Variants in CUBN observed in about 807,000 individuals in gnomAD.
CUBN encodes cubilin.
Under a neutral mutation model 405.3 loss-of-function variants are expected in CUBN, and 282 were observed. The observed-to-expected ratio is 0.70, with a 90% CI of 0.63 to 0.77. CUBN has a LOEUF of 0.77. Among genes scored for constraint, CUBN ranks in the 30% least tolerant of loss-of-function variants. The pLI, the probability that CUBN is intolerant of heterozygous loss-of-function variation, is 0.00. For synonymous variants in CUBN, 1,684 were observed against 1,617.0 expected (o/e 1.04, Z -0.99); for missense variants, 4,514 against 4,475.2 (o/e 1.01, Z -0.25).
chr10:16,945,213 A>G lies in CUBN; in HGVS notation c.5342+2022T>C, dbSNP rs547413195. On this transcript the variant is annotated intron_variant, in intron 36 of 66. Transcript: ENST00000377833. The stretch of plus-strand genomic sequence containing the variant: ...AAACAGGAAAAGACCAAAAAAAAAA[A>G]TCATTTTATTTGGCAATTCTGATAG... Among the ~76,000 whole-genome samples the G allele has an allele frequency of 1.1e-3, 164 of 152,188 alleles. 1 individual carries two copies. The highest frequency in any genetic ancestry group is 3.7e-3 in the African/African-American group (155 of 41,550).
chr10:16,898,999 C>G lies in CUBN; in HGVS notation c.8595G>C (p.Val2865=). The G allele has an allele frequency of 6.2e-7, 1 of 1,607,006 alleles. No homozygotes were observed. Among genetic ancestry groups the G allele is most frequent in the Non-Finnish European group, 8.5e-7 (1 of 1,173,534 alleles). Residue 2865 remains valine (V), a synonymous_variant, in exon 54 of 67, where the codon GTG becomes GTC. Transcript: ENST00000377833. ...TTAAATGAACAAGTGTACTAACCTT[C>G]ACGAAGCTATTCTGACATTGTCCAT... ...SGDGQCQNSF[V]KVWAGTEEVD... is the part of the protein sequence containing the mutation.
chr10:17,082,144 A>T (rs1209944779), intron 17 of CUBN, among the ~76,000 whole-genome samples: 2 of 151,898 alleles, frequency 1.3e-5, no homozygotes, highest in Non-Finnish European at 2.9e-5. Flanking sequence ...CATTTGCATT[A>T]TTTTTTTTAA....
At chr10:16,915,667 G>A (rs973681518) in intron 46 of CUBN, among the ~76,000 whole-genome samples, 154 bp downstream of exon 46, 1 of 152,202 alleles carries the variant, frequency 6.6e-6, no homozygotes. Flanking sequence ...AATTGAGGGA[G>A]AGAATCACCA....
rs771763775 is a variant in CUBN, at chr10:16,990,468, C to T, written c.4216G>A (p.Gly1406Arg). 39 of 1,614,028 alleles carry T rather than the reference C, an allele frequency of 2.4e-5. No homozygotes were observed. The highest frequency in any genetic ancestry group is 1.7e-4 in the African/African-American group (13 of 74,918). The part of the protein sequence containing the change: ...SGATGSFSSP[G>R]FPNRYPPNKE... ...TTTGGTGGATACCTGTTGGGGAACC[C>T]GGGGCTGCTGAAGGAGCCTGTGGCC... The change falls in exon 29 of 67, where the codon GGG (glycine) becomes AGG (arginine). Residue 1406 changes from glycine (G) to arginine (R), a missense_variant. By Grantham distance (125) the Gly-to-Arg change is moderately radical. Around this residue, in one of 5 missense-constraint regions of CUBN, gnomAD observed 1,613 missense variants for 1,542.8 expected, o/e 1.05. Transcript: ENST00000377833.
chr10:16,838,532 G>T (rs1050097338), intron 62 of CUBN, among the ~76,000 whole-genome samples: 2 of 152,174 alleles, frequency 1.3e-5, no homozygotes, highest in African/African-American at 4.8e-5. Flanking sequence ...TAATGATGAT[G>T]CACAAAAATC....
chr10:17,112,762 C>G (rs1225758649), intron 8 of CUBN, among the ~76,000 whole-genome samples: 2 of 151,786 alleles, frequency 1.3e-5, no homozygotes. Flanking sequence ...TGTGGGGTTT[C>G]TTGGCGAGAA....
intron 60 of CUBN, 24 bp downstream of exon 60, chr10:16,851,209 CTG>C (rs775830343): frequency 3.8e-6 from 6 of 1,564,916 alleles, no homozygotes; most frequent in Non-Finnish European, 5.3e-6. Context: ...TGAATAGACT[CTG>C]TTAAAAAAAT....
In CUBN at chr10:17,045,937, T is replaced by C. The variant is rs764466613; in HGVS notation, c.3487A>G (p.Thr1163Ala). ...GFSAYWDGSS[T>A]GCGGNLTTSS... ...AAGACAGCTCTTTGCTATTTACCTG[T>C]TGATGACCCATCCCAGTAAGCTGAG... The change falls in exon 24 of 67, where the codon ACA (threonine) becomes GCA (alanine). Residue 1163 changes from threonine to alanine, a missense_variant. Coordinates refer to ENST00000377833, the MANE Select transcript of CUBN (RefSeq NM_001081.4). 1 of 1,613,948 alleles carries C rather than the reference T, an allele frequency of 6.2e-7. No individual in the cohort carries two copies. The highest frequency in any genetic ancestry group is 8.5e-7 in the Non-Finnish European group (1 of 1,179,934).
intron 48 of CUBN, among the ~76,000 whole-genome samples, chr10:16,909,566 A>G (rs547274144): frequency 3.9e-5 from 6 of 152,332 alleles, no homozygotes; most frequent in African/African-American, 1.2e-4. Context: ...ATCAAAAGGG[A>G]TTAGAACCAA....
chr10:16,999,918 A>C (rs1476504886), intron 28 of CUBN, among the ~76,000 whole-genome samples: 1 of 152,092 alleles, frequency 6.6e-6, no homozygotes, highest in Non-Finnish European at 1.5e-5. Flanking sequence ...AGAGGACTCC[A>C]CCCGGAGAAA....
At chr10:16,943,689 C>A (rs1842714273) in intron 36 of CUBN, among the ~76,000 whole-genome samples, 1 of 152,180 alleles carries the variant, frequency 6.6e-6, no homozygotes, top group Non-Finnish European at 1.5e-5. Flanking sequence ...ATCGGCATCA[C>A]CGGAGAGCTT....
Position 16,853,068 on chromosome 10 carries a change from C to T in CUBN, c.9455-1625G>A, listed in dbSNP as rs559845244. 3.3e-5 allele frequency among the ~76,000 whole-genome samples: 5 copies of T among 152,188 alleles called. No individual in the cohort carries two copies. The East Asian group carries it at 5.8e-4, about 18-fold the overall frequency. On this transcript the variant is annotated intron_variant, in intron 59 of 66. Coordinates refer to ENST00000377833, the MANE Select transcript of CUBN (RefSeq NM_001081.4). ...AAAGAATAATCTCAAGATGATTAAA[C>T]GGTCTACCATAAAAGAATACAAAAA...
chr10:16,933,902 G>A (rs1842427380), intron 39 of CUBN, among the ~76,000 whole-genome samples: 1 of 152,172 alleles, frequency 6.6e-6, no homozygotes, highest in African/African-American at 2.4e-5. Flanking sequence ...AACAGCTGTT[G>A]CTGATTGTTT....
At chr10:16,961,453 C>G (rs1256902344) in intron 31 of CUBN, among the ~76,000 whole-genome samples, 1 of 152,148 alleles carries the variant, frequency 6.6e-6, no homozygotes, top group African/African-American at 2.4e-5. Flanking sequence ...TCAACTTTGT[C>G]ACATGTCAAG....
At chr10:16,868,245 G>T (rs918594264) in intron 59 of CUBN, among the ~76,000 whole-genome samples, 8 of 152,278 alleles carry the variant, frequency 5.3e-5, no homozygotes, top group African/African-American at 1.9e-4. Flanking sequence ...GAGGTGTGTG[G>T]TTTACCGGGA....
chr10:16,942,424 G>A (rs61841449), intron 36 of CUBN, among the ~76,000 whole-genome samples: 9,874 of 152,008 alleles, frequency 0.065, 393 homozygotes, highest in Non-Finnish European at 0.088. Context: ...AAAACAAACC[G>A]AATACACATT....
intron 60 of CUBN, among the ~76,000 whole-genome samples, chr10:16,846,224 T>G (rs1005693255): frequency 6.6e-6 from 1 of 152,234 alleles, no homozygotes; most frequent in Non-Finnish European, 1.5e-5. Flanking sequence ...AAACTTATCT[T>G]GCAGATGGTG....
In CUBN at chr10:16,920,100, A is replaced by C; in HGVS notation, c.6684T>G (p.Ser2228=). 6.2e-7 allele frequency: 1 copy of C among 1,614,076 alleles called. No individual in the cohort carries two copies. The highest frequency in any genetic ancestry group is 8.5e-7 in the Non-Finnish European group (1 of 1,179,978). Residue 2228 remains serine (S), a synonymous_variant, in exon 44 of 67, where the codon TCT becomes TCG. Coordinates refer to ENST00000377833, the MANE Select transcript of CUBN (RefSeq NM_001081.4). The part of the protein sequence containing the change: ...GGNVYIHDAD[S]AGYVTSPNHP... ...GGTTGGGGGAGGTCACATACCCAGC[A>C]GAATCAGCATCATGGATGTAGACGT...
chr10:16,916,004 GC>G lies in CUBN; in HGVS notation c.7026del (p.Gln2343LysfsTer77). 1.2e-6 allele frequency: 2 copies of G among 1,613,978 alleles called. No individual in the cohort carries two copies. The highest frequency in any genetic ancestry group is 1.7e-5 in the Admixed American group (1 of 59,998). On this transcript the variant is annotated frameshift_variant, in exon 46 of 67. Transcript: ENST00000377833. LOFTEE classifies it high-confidence loss of function. The part of the protein sequence containing the change: ...SIAQCGGRVP[G>X]QSGVVESIGH... ...CCAATGCTTTCAACAACACCACTTT[GC>G]CCTGGTACTCTTCCCCCACACTGAG...
Sources: gnomAD v4.1 joint callset for allele counts (sites outside exome capture counted in the v4.1 genomes callset) on GRCh38, gnomAD v4.1.1 for gene constraint, gnomAD v4.1.1 regional missense constraint, MANE v1.5 for transcripts, NCBI Gene and HGNC (gene_info 2026-07-23, HGNC 2026-07-21) for gene names.